The following TDRD7 variants were observed in gnomAD, a reference collection of about 807,000 sequenced individuals.
TDRD7 encodes the protein tudor domain-containing protein 7.
A neutral mutation model predicts 109.8 loss-of-function variants in TDRD7; 47 were observed. The ratio of observed to expected loss-of-function variants is 0.43; its 90% CI spans 0.34 to 0.55. TDRD7 has a LOEUF of 0.55. TDRD7 is among the 20% of genes least tolerant of loss of function. The pLI is 0.03. For synonymous variants in TDRD7, 424 were observed against 457.3 expected, an observed-to-expected ratio of 0.93 and a Z score of 0.93; for missense variants, 1,164 against 1,319.2, an observed-to-expected ratio of 0.88 and a Z score of 1.82.
chr9:97,473,710 AT>A (rs896366461), intron 11 of TDRD7, 84 bp downstream of exon 11: 70 of 1,585,358 alleles, frequency 4.4e-5, no homozygotes, highest in Non-Finnish European at 4.9e-5. Context: ...AGTATGAACA[AT>A]TTTTTTTGTA....
chr9:97,481,384 C>T (rs894410535), intron 14 of TDRD7, among the ~76,000 whole-genome samples: 185 of 152,168 alleles, frequency 1.2e-3, no homozygotes, highest in African/African-American at 4.2e-3. Flanking sequence ...CCTCTTTTTC[C>T]TAAAGTTTAT....
chr9:97,449,309 A>G (rs1384595726), intron 6 of TDRD7, among the ~76,000 whole-genome samples: 1 of 152,140 alleles, frequency 6.6e-6, no homozygotes, highest in Non-Finnish European at 1.5e-5. Flanking sequence ...CTACCTGGAG[A>G]TAGCATCAGA....
At chr9:97,432,344 C>A in intron 4 of TDRD7, 106 bp downstream of exon 4, 1 of 1,011,112 alleles carries the variant, frequency 9.9e-7, no homozygotes, top group Non-Finnish European at 1.5e-6. Context: ...TCTAAGTTCA[C>A]ATATAGTAGA....
Position 97,460,073 on chromosome 9 carries a change from T to C in TDRD7, c.856-105T>C, listed in dbSNP as rs1828682854. On this transcript the variant is annotated intron_variant, in intron 6 of 16. Transcript: ENST00000355295. ...GAAAAGAGTAAATCGTACACTTGAT[T>C]AATTTGGAAACAGCATGACTCTCAA... The C allele has an allele frequency of 3.1e-6, 3 of 975,136 alleles. No homozygotes were observed. The East Asian group carries it at 7.5e-5, about 24-fold the overall frequency. 60.4% of individuals were successfully genotyped at this position (975,136 alleles called of 1,614,324 possible). A position where few individuals can be genotyped will look rare whatever the true frequency, so the allele number is the denominator to read the frequency against.
intron 14 of TDRD7, among the ~76,000 whole-genome samples, chr9:97,482,598 T>C (rs1160796846): frequency 6.6e-6 from 1 of 152,238 alleles, no homozygotes; most frequent in Non-Finnish European, 1.5e-5. Flanking sequence ...TAGCAAGTTA[T>C]AAAGTTTTCT....
intron 6 of TDRD7, among the ~76,000 whole-genome samples, chr9:97,448,360 G>A (rs1009796608): frequency 6.6e-6 from 1 of 152,186 alleles, no homozygotes; most frequent in African/African-American, 2.4e-5. Context: ...CCTGATCAGT[G>A]CATCTGCATT....
At chr9:97,431,999 T>C in intron 3 of TDRD7, 26 bp from the exon 4 acceptor site, 1 of 1,607,752 alleles carries the variant, frequency 6.2e-7, no homozygotes, top group Non-Finnish European at 8.5e-7. Flanking sequence ...GCTAATTGAT[T>C]TCGTTATGTA....
Position 97,482,702 on chromosome 9 carries a change from G to A in TDRD7, c.2413-147G>A, listed in dbSNP as rs1344246481. ...TTCAGAGCCCATTCATTGCCAAGCTGTGATAATTTATTTTTCCTTAAATAA... is the reference window on the plus strand; with the variant it reads ...TTCAGAGCCCATTCATTGCCAAGCTATGATAATTTATTTTTCCTTAAATAA... On this transcript the variant is annotated intron_variant, in intron 14 of 16. Transcript: ENST00000355295. The A allele has an allele frequency of 6.2e-6, 5 of 801,832 alleles. No homozygotes were observed. In the African/African-American group the frequency reaches 8.7e-5, roughly 14 times the overall value. 49.7% of individuals were successfully genotyped at this position (801,832 alleles called of 1,614,324 possible).
At chr9:97,419,301 G>T (rs987790000) in intron 1 of TDRD7, among the ~76,000 whole-genome samples, 7 of 152,192 alleles carry the variant, frequency 4.6e-5, no homozygotes, top group Admixed American at 2.6e-4. Context: ...TAGTCAGGGT[G>T]GATTGGCACT....
intron 12 of TDRD7, among the ~76,000 whole-genome samples, chr9:97,477,156 G>T (rs759473157): frequency 3.3e-5 from 5 of 151,960 alleles, no homozygotes; most frequent in African/African-American, 4.8e-5. Context: ...TTTACAAGTT[G>T]CAAAAATAGC....
At chr9:97,426,485 C>G (rs533040169) in intron 1 of TDRD7, among the ~76,000 whole-genome samples, 7 of 152,276 alleles carry the variant, frequency 4.6e-5, no homozygotes, top group African/African-American at 1.7e-4. Flanking sequence ...CTCCTGGGCT[C>G]AAGTGATTCT....
At chr9:97,450,309 A>T (rs1828469014) in intron 6 of TDRD7, among the ~76,000 whole-genome samples, 1 of 152,208 alleles carries the variant, frequency 6.6e-6, no homozygotes, top group Admixed American at 6.5e-5. Context: ...AAGGACAAGG[A>T]TAGGAGTATT....
chr9:97,441,513 C>T (rs1828304515), intron 5 of TDRD7, 145 bp from the exon 6 acceptor site: 2 of 685,884 alleles, frequency 2.9e-6, no homozygotes, highest in Non-Finnish European at 5.0e-6. Context: ...CACGGTGCTG[C>T]TCTGCCTAAT....
In TDRD7 at chr9:97,412,864, T is replaced by C. The variant is rs776360498; in HGVS notation, c.-7+626T>C. Among the ~76,000 whole-genome samples, 12 of 152,174 alleles carry C rather than the reference T, an allele frequency of 7.9e-5. No homozygotes were observed. Among genetic ancestry groups the C allele is most frequent in the Non-Finnish European group, 1.0e-4 (7 of 68,024 alleles). On this transcript the variant is annotated intron_variant, in intron 1 of 16. Transcript: ENST00000355295. This position sits in a 1 kb window ranked among gnomAD's most constrained non-coding sequence, Gnocchi z 4.3. ...CCGTGAGTAAGTTGTCTCTCAACTT[T>C]CAGTAGCATCCCCTCAGCAGGGTCA... is the stretch of plus-strand genomic sequence containing the variant.
intron 6 of TDRD7, among the ~76,000 whole-genome samples, chr9:97,459,294 T>C (rs939894512): frequency 8.5e-5 from 13 of 152,226 alleles, no homozygotes; most frequent in African/African-American, 3.1e-4. Flanking sequence ...AATAAAACTT[T>C]ATGTATATTG....
intron 6 of TDRD7, among the ~76,000 whole-genome samples, chr9:97,458,439 A>G (rs1490708143): frequency 6.6e-6 from 1 of 152,214 alleles, no homozygotes; most frequent in Non-Finnish European, 1.5e-5. Flanking sequence ...TCAGATTTTA[A>G]AACATGGGTC....
intron 4 of TDRD7, among the ~76,000 whole-genome samples, chr9:97,434,418 C>T (rs117032027): frequency 6.6e-6 from 1 of 152,086 alleles, no homozygotes; most frequent in Non-Finnish European, 1.5e-5. Context: ...TTCAATACAT[C>T]TGTTGTATTT....
At chr9:97,457,386 A>AC (rs1828636615) in intron 6 of TDRD7, among the ~76,000 whole-genome samples, 1 of 150,574 alleles carries the variant, frequency 6.6e-6, no homozygotes, top group Admixed American at 6.6e-5. Context: ...ATATATATAT[A>AC]TTTTTTTTTT....
At chr9:97,445,317 G>A (rs528745039) in intron 6 of TDRD7, among the ~76,000 whole-genome samples, 5 of 152,144 alleles carry the variant, frequency 3.3e-5, no homozygotes, top group East Asian at 1.9e-4. Flanking sequence ...AAATGCTTCC[G>A]TGTGCTAGCC....
Sources: gnomAD v4.1 joint callset for allele counts (sites outside exome capture counted in the v4.1 genomes callset) on GRCh38, gnomAD v4.1.1 for gene constraint, Gnocchi (gnomAD v3.1) non-coding constraint, MANE v1.5 for transcripts, NCBI Gene and HGNC (gene_info 2026-07-23, HGNC 2026-07-21) for gene names.